CACNB2: variants seen among roughly 807,000 people sequenced by gnomAD.
The protein encoded by CACNB2 is voltage-dependent L-type calcium channel subunit beta-2.
In CACNB2, 42 loss-of-function variants were observed where a neutral mutation model predicts 73.3. The observed-to-expected ratio is 0.57, with a 90% CI of 0.45 to 0.74. The LOEUF (loss-of-function observed/expected upper bound fraction) is 0.74. Among genes scored for constraint, CACNB2 ranks in the 30% least tolerant of loss-of-function variants. CACNB2 has a pLI of 0.00. For missense variants in CACNB2, 940 were observed against 853.0 expected (o/e 1.10, Z -1.27); for synonymous variants, 348 against 310.3 (o/e 1.12, Z -1.28).
At chr10:18,529,619 A>G (rs2052797613) in intron 10 of CACNB2, among the ~76,000 whole-genome samples, 1 of 152,230 alleles carries the variant, frequency 6.6e-6, no homozygotes, top group Admixed American at 6.5e-5. Context: ...GAAAGCCACA[A>G]CAGGCTTCTG....
intron 6 of CACNB2, among the ~76,000 whole-genome samples, chr10:18,507,060 A>G (rs2050529363): frequency 6.6e-6 from 1 of 152,322 alleles, no homozygotes; most frequent in African/African-American, 2.4e-5. Context: ...TAGGCTCCCA[A>G]AGTGCTGGGT....
intron 3 of CACNB2, among the ~76,000 whole-genome samples, chr10:18,481,889 A>G (rs754522363): frequency 3.2e-4 from 49 of 151,882 alleles, no homozygotes; most frequent in African/African-American, 7.0e-4. Flanking sequence ...GCTGGTCACA[A>G]TTTTTTTTCT....
rs144527516 is a variant in CACNB2, at chr10:18,271,926, G to A, written c.213+120951G>A. Among the ~76,000 whole-genome samples the A allele has an allele frequency of 2.6e-3, 400 of 152,204 alleles. 2 individuals are homozygous for A. The highest frequency in any genetic ancestry group is 9.2e-3 in the African/African-American group (382 of 41,524). On this transcript the variant is annotated intron_variant, in intron 2 of 13. Coordinates refer to ENST00000324631, the MANE Select transcript of CACNB2 (RefSeq NM_201596.3). The stretch of plus-strand genomic sequence containing the variant: ...ACCACCAAAGGAATAAATAATTTAT[G>A]TAACCTACCCTGATTTCCAAACAAT...
At chr10:18,402,451 T>C (rs1415152730) in intron 3 of CACNB2, among the ~76,000 whole-genome samples, 1 of 151,924 alleles carries the variant, frequency 6.6e-6, no homozygotes, top group Non-Finnish European at 1.5e-5. Context: ...CTTGAACAGT[T>C]TTTCCCCTGA....
chr10:18,354,733 G>A (rs1206781760), intron 2 of CACNB2, among the ~76,000 whole-genome samples: 2 of 152,144 alleles, frequency 1.3e-5, no homozygotes, highest in Non-Finnish European at 2.9e-5. Context: ...GTCTGGCAGA[G>A]CAGGTGATGG....
intron 2 of CACNB2, among the ~76,000 whole-genome samples, chr10:18,375,630 T>C (rs1188295785): frequency 2.0e-5 from 3 of 152,216 alleles, no homozygotes; most frequent in African/African-American, 4.8e-5. Flanking sequence ...AGGACCCTTA[T>C]TGGGGTTGTG....
chr10:18,519,103 T>C (rs1478282607), intron 9 of CACNB2, 135 bp downstream of exon 9: 4 of 771,730 alleles, frequency 5.2e-6, no homozygotes, highest in Non-Finnish European at 9.3e-6. Context: ...TTTCACTCAA[T>C]TTAATCTGAT....
chr10:18,303,388 C>T (rs1435714609), intron 2 of CACNB2, among the ~76,000 whole-genome samples: 6 of 152,004 alleles, frequency 3.9e-5, no homozygotes, highest in Non-Finnish European at 5.9e-5. Context: ...GCCTTTGTTC[C>T]CAGCCGCTCA....
At chr10:18,467,089 A>G (rs555139286) in intron 3 of CACNB2, among the ~76,000 whole-genome samples, 39 of 152,252 alleles carry the variant, frequency 2.6e-4, no homozygotes, top group Admixed American at 9.2e-4. Flanking sequence ...AGGAGGCGGA[A>G]GTTGCAGTGA....
intron 6 of CACNB2, among the ~76,000 whole-genome samples, chr10:18,507,483 A>T (rs1400367868): frequency 6.6e-6 from 1 of 152,258 alleles, no homozygotes; most frequent in African/African-American, 2.4e-5. Context: ...TGCATGGGGC[A>T]TACTTACACT....
At chr10:18,481,589 T>G (rs1179217055) in intron 3 of CACNB2, among the ~76,000 whole-genome samples, 1 of 151,908 alleles carries the variant, frequency 6.6e-6, no homozygotes, top group African/African-American at 2.4e-5. Flanking sequence ...GGCTTATGGC[T>G]TCTCAGAAGA....
At chr10:18,494,178 C>T (rs910893843) in intron 3 of CACNB2, among the ~76,000 whole-genome samples, 1 of 152,068 alleles carries the variant, frequency 6.6e-6, no homozygotes, top group African/African-American at 2.4e-5. Context: ...TTTTCAGTCC[C>T]CTCTTTCTGC....
intron 1 of CACNB2, among the ~76,000 whole-genome samples, chr10:18,147,058 C>G (rs765823522): frequency 6.6e-6 from 1 of 152,194 alleles, no homozygotes; most frequent in Non-Finnish European, 1.5e-5. Context: ...TTTGAGTGCA[C>G]GGCTAAAATC....
intron 2 of CACNB2, among the ~76,000 whole-genome samples, chr10:18,298,401 A>G (rs938524657): frequency 2.0e-5 from 3 of 152,096 alleles, no homozygotes; most frequent in Non-Finnish European, 4.4e-5. Context: ...TGAGATCACT[A>G]TATCCAGACT....
At chr10:18,454,298 C>T (rs1022655236) in intron 3 of CACNB2, among the ~76,000 whole-genome samples, 1 of 152,202 alleles carries the variant, frequency 6.6e-6, no homozygotes, top group African/African-American at 2.4e-5. Flanking sequence ...TATTGTGTTA[C>T]TGTATTAACA....
At chr10:18,534,454 G>C (rs1263772671) in intron 11 of CACNB2, among the ~76,000 whole-genome samples, 1 of 152,144 alleles carries the variant, frequency 6.6e-6, no homozygotes, top group African/African-American at 2.4e-5. Flanking sequence ...CTTTTAGAGG[G>C]TCCATTTAGT....
At chr10:18,145,798 A>G (rs2030906062) in intron 1 of CACNB2, among the ~76,000 whole-genome samples, 1 of 152,184 alleles carries the variant, frequency 6.6e-6, no homozygotes, top group Admixed American at 6.5e-5. Flanking sequence ...AGAGAAAACT[A>G]CTTATGACAT....
intron 2 of CACNB2, among the ~76,000 whole-genome samples, chr10:18,302,693 G>T (rs2039572569): frequency 6.6e-6 from 1 of 152,070 alleles, no homozygotes; most frequent in African/African-American, 2.4e-5. Context: ...GGACTTTGAG[G>T]ACTCAGGGGG....
chr10:18,286,737 G>A (rs2038822127), intron 2 of CACNB2, among the ~76,000 whole-genome samples: 1 of 152,072 alleles, frequency 6.6e-6, no homozygotes, highest in Non-Finnish European at 1.5e-5. Context: ...TGAAAATATT[G>A]TAATCTGATG....
Sources: gnomAD v4.1 joint callset for allele counts (sites outside exome capture counted in the v4.1 genomes callset) on GRCh38, gnomAD v4.1.1 for gene constraint, MANE v1.5 for transcripts, NCBI Gene and HGNC (gene_info 2026-07-23, HGNC 2026-07-21) for gene names.